HMBOX1: variants seen among roughly 807,000 people sequenced by gnomAD.
HMBOX1 encodes homeobox-containing protein 1.
In HMBOX1, 14 loss-of-function variants were observed where a neutral mutation model predicts 54.5. That is an observed-to-expected ratio of 0.26 (90% CI 0.17 to 0.40). The LOEUF (loss-of-function observed/expected upper bound fraction) is 0.40. HMBOX1 is among the 10% of genes least tolerant of loss of function. The pLI, the probability that HMBOX1 is intolerant of heterozygous loss-of-function variation, is 1.00. For synonymous variants in HMBOX1, 160 were observed against 181.0 expected (o/e 0.88, Z 0.93); for missense variants, 332 against 514.4 (o/e 0.65, Z 3.43).
At chr8:29,022,393 G>C (rs1328441030) in intron 6 of HMBOX1, among the ~76,000 whole-genome samples, 1 of 152,142 alleles carries the variant, frequency 6.6e-6, no homozygotes, top group Non-Finnish European at 1.5e-5. Flanking sequence ...ACTTCAGTCT[G>C]GGTGACAGAG....
intron 6 of HMBOX1, among the ~76,000 whole-genome samples, chr8:29,031,232 G>T (rs1017922629): frequency 1.3e-5 from 2 of 152,136 alleles, no homozygotes; most frequent in Non-Finnish European, 2.9e-5. Context: ...CAAGATGGTG[G>T]TTATATTTGG....
chr8:29,007,109 T>G (rs938661095), intron 4 of HMBOX1, among the ~76,000 whole-genome samples: 3 of 151,384 alleles, frequency 2.0e-5, no homozygotes, highest in Non-Finnish European at 4.4e-5. Flanking sequence ...GCCAACACAG[T>G]GAAACCCCAT....
chr8:29,026,128 T>C (rs966861356), intron 6 of HMBOX1, among the ~76,000 whole-genome samples: 4 of 152,068 alleles, frequency 2.6e-5, no homozygotes, highest in African/African-American at 9.7e-5. Flanking sequence ...ATGATATGTA[T>C]ATTTCCTAGC....
intron 5 of HMBOX1, among the ~76,000 whole-genome samples, chr8:29,010,562 A>C (rs1834090961): frequency 6.6e-6 from 1 of 151,858 alleles, no homozygotes; most frequent in Non-Finnish European, 1.5e-5. Flanking sequence ...CTCAAAAAAA[A>C]AATATATATA....
rs778930037 is a variant in HMBOX1 at position 29,049,061 on chromosome 8, G to A, written c.1125+13G>A. On this transcript the variant is annotated intron_variant, in intron 9 of 9. Transcript: ENST00000287701. ...CTACTCTGAGCAGGTGAGCCCCTGCGCAGCTGGGCGAGGTTCTTGGTGCCT... is the reference window on the plus strand; with the variant it reads ...CTACTCTGAGCAGGTGAGCCCCTGCACAGCTGGGCGAGGTTCTTGGTGCCT... 28 of 1,609,756 alleles carry A rather than the reference G, an allele frequency of 1.7e-5. No homozygotes were observed. Among genetic ancestry groups the A allele is most frequent in the Middle Eastern group, 1.7e-4 (1 of 6,050 alleles).
chr8:29,013,382 C>T (rs763227360), intron 5 of HMBOX1, among the ~76,000 whole-genome samples: 3 of 152,210 alleles, frequency 2.0e-5, no homozygotes, highest in Non-Finnish European at 2.9e-5. Context: ...GATCCACCCA[C>T]CTCGGCTTTC....
intron 4 of HMBOX1, 28 bp from the exon 5 acceptor site, chr8:29,009,044 C>G: frequency 6.4e-7 from 1 of 1,551,438 alleles, no homozygotes; most frequent in Non-Finnish European, 8.9e-7. Flanking sequence ...TTCAGTGCCC[C>G]CCAAAACCTA....
At position 29,021,839 on chromosome 8, in the gene HMBOX1, G is replaced by A. The variant is rs1295828361; in HGVS notation, c.851+2926G>A. Among the ~76,000 whole-genome samples the A allele has an allele frequency of 2.8e-5, 4 of 141,972 alleles. No individual in the cohort carries two copies. The South Asian group carries it at 6.7e-4, about 24-fold the overall frequency. The allele number at this position is 141,972 out of a possible 152,430, so 93.1% of individuals were successfully genotyped here. A position where few individuals can be genotyped will look rare whatever the true frequency, so the allele number is the denominator to read the frequency against. ...CGTGCCACTGCACTCGAGCCTGGGT[G>A]ACAGAGCGAGACTCCGTCTCAAAAA... On this transcript the variant is annotated intron_variant, in intron 6 of 9. Transcript: ENST00000287701.
chr8:28,943,532 T>C (rs1269968135), intron 1 of HMBOX1, among the ~76,000 whole-genome samples: 2 of 152,158 alleles, frequency 1.3e-5, no homozygotes, highest in South Asian at 2.1e-4. Flanking sequence ...CACATGGAAA[T>C]GTTATCTTCT....
At chr8:28,943,306 G>A (rs1337346742) in intron 1 of HMBOX1, among the ~76,000 whole-genome samples, 1 of 152,160 alleles carries the variant, frequency 6.6e-6, no homozygotes, top group Non-Finnish European at 1.5e-5. Context: ...AAGCAGTGAG[G>A]ACCAAAAGCT....
intron 4 of HMBOX1, among the ~76,000 whole-genome samples, chr8:28,981,740 A>G (rs1485020224): frequency 1.3e-5 from 2 of 152,202 alleles, no homozygotes; most frequent in Non-Finnish European, 2.9e-5. Context: ...TGCAAATCAT[A>G]GTAACATATG....
intron 4 of HMBOX1, among the ~76,000 whole-genome samples, chr8:29,005,282 A>G (rs1489253812): frequency 6.6e-6 from 1 of 152,202 alleles, no homozygotes; most frequent in East Asian, 1.9e-4. Flanking sequence ...AAAGCTCTGT[A>G]TTTAGTATTT....
At position 29,009,523 on chromosome 8, in the gene HMBOX1, C is replaced by CTT. The variant is rs10706846; in HGVS notation, c.697+361_697+362dup. ...CATAACTACGTAAGATTCCGTATCT[C>CTT]TTTTTTTTTTTTTTTTTTTTTGCAA... On this transcript the variant is annotated intron_variant, in intron 5 of 9. Coordinates refer to ENST00000287701, the MANE Select transcript of HMBOX1 (RefSeq NM_001135726.3). The CTT allele has an allele frequency of 1.6e-3, 785 of 476,988 alleles. 4 individuals carry two copies. Among genetic ancestry groups the CTT allele is most frequent in the African/African-American group, 0.016 (479 of 29,490 alleles). 29.5% of individuals were successfully genotyped at this position (476,988 alleles called of 1,614,324 possible).
chr8:28,992,077 A>T (rs1461595678), intron 4 of HMBOX1, among the ~76,000 whole-genome samples: 2 of 152,228 alleles, frequency 1.3e-5, no homozygotes, highest in African/African-American at 2.4e-5. Flanking sequence ...TGTTCTTTAC[A>T]TAGCAATTTG....
chr8:28,970,425 C>A lies in HMBOX1; in HGVS notation c.406C>A (p.Arg136Ser), dbSNP rs763363239. 6.2e-7 allele frequency: 1 copy of A among 1,614,000 alleles called. No individual in the cohort carries two copies. Among genetic ancestry groups the A allele is most frequent in the Non-Finnish European group, 8.5e-7 (1 of 1,180,016 alleles). The part of the protein sequence containing the change: ...STSNGKMSPT[R>S]YHANSMGQRS... ...ATCCAATGGAAAGATGTCACCAACT[C>A]GCTACCATGCAAACAGCATGGGTCA... is the stretch of plus-strand genomic sequence containing the variant. Residue 136 changes from arginine (R) to serine (S), a missense_variant, in exon 3 of 10, where the codon CGC (arginine) becomes AGC (serine). This residue lies in a region of HMBOX1 where 146 missense variants were observed against 173.3 expected (regional missense o/e 0.84). Transcript: ENST00000287701. The surrounding 1 kb of genome is among the most constrained non-coding windows in gnomAD (Gnocchi z 4.3).
chr8:29,025,544 A>G (rs1801887600), intron 6 of HMBOX1, among the ~76,000 whole-genome samples: 1 of 152,234 alleles, frequency 6.6e-6, no homozygotes, highest in African/African-American at 2.4e-5. Flanking sequence ...TGCCTTTCTC[A>G]TAACCATTGT....
intron 1 of HMBOX1, among the ~76,000 whole-genome samples, chr8:28,938,320 T>G (rs556485438): frequency 6.6e-6 from 1 of 152,354 alleles, no homozygotes; most frequent in East Asian, 1.9e-4. Context: ...CTGCAAGACC[T>G]CTGCAATTTT....
chr8:29,047,511 TATTAA>T (rs1430698814), intron 8 of HMBOX1, 58 bp downstream of exon 8: 50 of 850,210 alleles, frequency 5.9e-5, no homozygotes, highest in Non-Finnish European at 9.4e-5. Flanking sequence ...GTCATGTTTA[TATTAA>T]GATTAACTTC....
chr8:28,956,524 T>A (rs1484629363), intron 1 of HMBOX1, among the ~76,000 whole-genome samples: 1 of 152,114 alleles, frequency 6.6e-6, no homozygotes, highest in Non-Finnish European at 1.5e-5. Context: ...AATTGTTTTT[T>A]TTGCTAGATG....
Sources: gnomAD v4.1 joint callset for allele counts (sites outside exome capture counted in the v4.1 genomes callset) on GRCh38, gnomAD v4.1.1 for gene constraint, gnomAD v4.1.1 regional missense constraint, Gnocchi (gnomAD v3.1) non-coding constraint, MANE v1.5 for transcripts, NCBI Gene and HGNC (gene_info 2026-07-23, HGNC 2026-07-21) for gene names.